MACROD2: variants seen among roughly 807,000 people sequenced by gnomAD.
MACROD2 encodes ADP-ribose glycohydrolase MACROD2.
A neutral mutation model predicts 70.4 loss-of-function variants in MACROD2; 36 were observed. The ratio of observed to expected loss-of-function variants is 0.51; its 90% CI spans 0.39 to 0.68. The LOEUF is 0.68. MACROD2 is among the 30% of genes least tolerant of loss of function. The pLI, the probability that MACROD2 is intolerant of heterozygous loss-of-function variation, is 0.00. For synonymous variants in MACROD2, 172 were observed against 178.8 expected (o/e 0.96, Z 0.30); for missense variants, 496 against 538.4 (o/e 0.92, Z 0.78).
intron 7 of MACROD2, among the ~76,000 whole-genome samples, chr20:15,436,003 A>C (rs557249387): frequency 5.1e-4 from 77 of 152,136 alleles, no homozygotes; most frequent in Middle Eastern, 3.4e-3. Context: ...TACAAGTGAG[A>C]CTGATATACA....
Position 15,986,854 on chromosome 20 carries a change from A to G in MACROD2, c.1060+53A>G, listed in dbSNP as rs959874584. 5 of 1,391,058 alleles carry G rather than the reference A, an allele frequency of 3.6e-6. No homozygotes were observed. The African/African-American group carries it at 5.6e-5, about 16-fold the overall frequency. The allele number at this position is 1,391,058 out of a possible 1,614,324, so 86.2% of individuals were successfully genotyped here. On this transcript the variant is annotated intron_variant, in intron 14 of 17. Coordinates refer to ENST00000684519, the MANE Select transcript of MACROD2 (RefSeq NM_001351661.2). ...AGAGAATGAGATGAAACTGTGAATC[A>G]TGACTTCTATATATACCTGTGTGTG...
chr20:15,715,019 CACATTGTT>C (rs1446970345), intron 8 of MACROD2, among the ~76,000 whole-genome samples: 1 of 152,108 alleles, frequency 6.6e-6, no homozygotes, highest in African/African-American at 2.4e-5. Context: ...GAACTACATA[CACATTGTT>C]ACATTGTTAC....
intron 7 of MACROD2, among the ~76,000 whole-genome samples, chr20:15,498,390 A>G (rs754668625): frequency 1.1e-4 from 16 of 152,150 alleles, no homozygotes; most frequent in Admixed American, 7.9e-4. Context: ...CATTTCCGCA[A>G]CGTCTCTCTC....
intron 5 of MACROD2, among the ~76,000 whole-genome samples, chr20:14,800,504 T>G (rs974357857): frequency 6.6e-6 from 1 of 152,114 alleles, no homozygotes; most frequent in Non-Finnish European, 1.5e-5. Context: ...TTACATAGAC[T>G]AACTGTTTCA....
chr20:15,911,877 G>A (rs2065242493), intron 10 of MACROD2, among the ~76,000 whole-genome samples: 1 of 152,212 alleles, frequency 6.6e-6, no homozygotes, highest in African/African-American at 2.4e-5. Context: ...GTGTTGGCAT[G>A]TGCGTGTAAT....
chr20:15,177,073 C>T (rs1020770874), intron 5 of MACROD2, among the ~76,000 whole-genome samples: 3 of 152,204 alleles, frequency 2.0e-5, no homozygotes, highest in African/African-American at 7.2e-5. Context: ...GCACAGTGAC[C>T]AGACCCTGCA....
At chr20:15,474,874 GGCA>G (rs2047001673) in intron 7 of MACROD2, among the ~76,000 whole-genome samples, 1 of 152,038 alleles carries the variant, frequency 6.6e-6, no homozygotes, top group Admixed American at 6.5e-5. Flanking sequence ...TTGTCCTGTA[GGCA>G]TATGTCTCCC....
chr20:15,383,499 C>T (rs974404641), intron 6 of MACROD2, among the ~76,000 whole-genome samples: 3 of 152,158 alleles, frequency 2.0e-5, no homozygotes, highest in Non-Finnish European at 2.9e-5. Context: ...TAACAACATT[C>T]GCTTCCCAGT....
At chr20:15,006,527 GCATAT>G (rs1278616211) in intron 5 of MACROD2, among the ~76,000 whole-genome samples, 11 of 152,192 alleles carry the variant, frequency 7.2e-5, no homozygotes, top group African/African-American at 2.6e-4. Flanking sequence ...CTGAGGTGAT[GCATAT>G]GTTAATTAGC....
chr20:14,246,599 A>G (rs2081969962), intron 3 of MACROD2, among the ~76,000 whole-genome samples: 1 of 152,120 alleles, frequency 6.6e-6, no homozygotes, highest in African/African-American at 2.4e-5. Context: ...GGTAGTCTCA[A>G]CCTTCCGGAA....
chr20:14,195,675 T>C (rs1569201280), intron 3 of MACROD2, among the ~76,000 whole-genome samples: 1 of 151,400 alleles, frequency 6.6e-6, no homozygotes, highest in Non-Finnish European at 1.5e-5. Flanking sequence ...GAGAGGACAT[T>C]GAGGGGAGCA....
chr20:15,066,990 A>C (rs1469741861), intron 5 of MACROD2, among the ~76,000 whole-genome samples: 1 of 152,188 alleles, frequency 6.6e-6, no homozygotes. Context: ...GTCAAATTTC[A>C]AAACAAAAAA....
intron 5 of MACROD2, among the ~76,000 whole-genome samples, chr20:14,958,762 A>G (rs1251387265): frequency 6.6e-6 from 1 of 152,106 alleles, no homozygotes; most frequent in Non-Finnish European, 1.5e-5. Context: ...TAGTTCTCAC[A>G]TTTAAGCATG....
At chr20:14,491,620 A>G (rs762892479) in intron 3 of MACROD2, among the ~76,000 whole-genome samples, 8 of 152,164 alleles carry the variant, frequency 5.3e-5, no homozygotes, top group Admixed American at 2.6e-4. Context: ...ACCCACATCT[A>G]TTGGACAAGT....
chr20:15,234,343 A>C (rs1054922710), intron 6 of MACROD2, among the ~76,000 whole-genome samples: 1 of 149,272 alleles, frequency 6.7e-6, no homozygotes, highest in African/African-American at 2.5e-5. Flanking sequence ...ATATATATAT[A>C]TTCTTGACAA....
rs534670903 is a variant in MACROD2, at chr20:14,817,273, A to G, written c.418+132314A>G. On this transcript the variant is annotated intron_variant, in intron 5 of 17. Coordinates refer to ENST00000684519, the MANE Select transcript of MACROD2 (RefSeq NM_001351661.2). ...GATATAGCATTTGAAATCGTGCTTG[A>G]AGAAACATTTCATGGCAGGGAGCCA... is the stretch of plus-strand genomic sequence containing the variant. 1.5e-3 allele frequency among the ~76,000 whole-genome samples: 221 copies of G among 152,156 alleles called. 1 individual carries two copies. Among genetic ancestry groups the G allele is most frequent in the Non-Finnish European group, 2.7e-3 (186 of 68,008 alleles).
intron 2 of MACROD2, among the ~76,000 whole-genome samples, chr20:14,031,358 G>A (rs866833072): frequency 6.6e-6 from 1 of 152,022 alleles, no homozygotes; most frequent in Non-Finnish European, 1.5e-5. Flanking sequence ...TTACTTTGAC[G>A]ATGAAAAATT....
At chr20:14,864,397 C>T (rs1383206304) in intron 5 of MACROD2, among the ~76,000 whole-genome samples, 1 of 151,980 alleles carries the variant, frequency 6.6e-6, no homozygotes, top group African/African-American at 2.4e-5. Context: ...CCTATGATAG[C>T]TTTATATGGA....
At chr20:15,198,475 CTT>C (rs761389400) in intron 5 of MACROD2, among the ~76,000 whole-genome samples, 4 of 152,134 alleles carry the variant, frequency 2.6e-5, no homozygotes, top group Non-Finnish European at 5.9e-5. Context: ...ACATTTGACA[CTT>C]GGCATTTTTA....
Sources: allele counts gnomAD v4.1 joint callset (sites outside exome capture counted in the v4.1 genomes callset), GRCh38; gene constraint gnomAD v4.1.1; transcripts MANE v1.5; gene names NCBI Gene and HGNC (gene_info 2026-07-23, HGNC 2026-07-21).